EPB41L4A: variants seen among roughly 807,000 people sequenced by gnomAD.
The protein encoded by EPB41L4A is erythrocyte membrane protein band 4.1 like 4A.
A neutral mutation model predicts 108.6 loss-of-function variants in EPB41L4A; 100 were observed. That is an observed-to-expected ratio of 0.92 (90% CI 0.78 to 1.09). The LOEUF (loss-of-function observed/expected upper bound fraction) is 1.09. Among genes scored for constraint, EPB41L4A ranks in the 50% least tolerant of loss-of-function variants. EPB41L4A has a pLI of 0.00. For synonymous variants in EPB41L4A, 319 were observed against 289.0 expected (o/e 1.10, Z -1.05); for missense variants, 1,030 against 842.7 (o/e 1.22, Z -2.75).
At chr5:112,275,747 C>T (rs535945148) in intron 3 of EPB41L4A, among the ~76,000 whole-genome samples, 70 of 122,348 alleles carry the variant, frequency 5.7e-4, no homozygotes, top group Admixed American at 9.8e-4. Context: ...TAAAAAACCA[C>T]CCACCTATCA....
intron 2 of EPB41L4A, among the ~76,000 whole-genome samples, chr5:112,286,705 C>T (rs1316381244): frequency 1.3e-5 from 2 of 152,146 alleles, no homozygotes; most frequent in African/African-American, 4.8e-5. Flanking sequence ...TTCCAGCAAC[C>T]TTCTGTTCTC....
chr5:112,279,948 C>A (rs1348311967), intron 3 of EPB41L4A, among the ~76,000 whole-genome samples: 2 of 147,468 alleles, frequency 1.4e-5, no homozygotes, highest in East Asian at 4.0e-4. Context: ...CCACCTACCA[C>A]CCCCGTTAAT....
intron 2 of EPB41L4A, among the ~76,000 whole-genome samples, chr5:112,289,643 C>T (rs1263571835): frequency 1.3e-5 from 2 of 152,200 alleles, no homozygotes. Flanking sequence ...AGCAACAACA[C>T]AGAGAGTCCA....
At chr5:112,277,553 C>T (rs1752694859) in intron 3 of EPB41L4A, among the ~76,000 whole-genome samples, 1 of 152,104 alleles carries the variant, frequency 6.6e-6, no homozygotes, top group Non-Finnish European at 1.5e-5. Flanking sequence ...AACTTGGGAA[C>T]ATATGCAAGG....
At chr5:112,310,784 T>A (rs72781676) in intron 1 of EPB41L4A, among the ~76,000 whole-genome samples, 3 of 151,922 alleles carry the variant, frequency 2.0e-5, no homozygotes, top group Non-Finnish European at 2.9e-5. Context: ...ATCCCCCTAT[T>A]TGAGTCTTGG....
chr5:112,315,410 A>T (rs980027475), intron 1 of EPB41L4A, among the ~76,000 whole-genome samples: 1 of 152,218 alleles, frequency 6.6e-6, no homozygotes, highest in East Asian at 1.9e-4. Context: ...GAGCTGCCTA[A>T]AAGTTCACTG....
intron 12 of EPB41L4A, among the ~76,000 whole-genome samples, chr5:112,233,666 G>C (rs1749120930): frequency 6.6e-6 from 1 of 152,130 alleles, no homozygotes; most frequent in African/African-American, 2.4e-5. Context: ...TTCTGCCCTA[G>C]CCTCTTGAGT....
intron 1 of EPB41L4A, among the ~76,000 whole-genome samples, chr5:112,380,969 C>T (rs938582976): frequency 6.6e-6 from 1 of 152,076 alleles, no homozygotes; most frequent in Non-Finnish European, 1.5e-5. Context: ...CTCACAAATC[C>T]CTTACCCAAA....
At chr5:112,345,943 T>C (rs1450318241) in intron 1 of EPB41L4A, among the ~76,000 whole-genome samples, 1 of 152,084 alleles carries the variant, frequency 6.6e-6, no homozygotes, top group African/African-American at 2.4e-5. Context: ...TTGATATTTT[T>C]TAATTTTTAA....
intron 1 of EPB41L4A, among the ~76,000 whole-genome samples, chr5:112,374,987 T>A (rs981541896): frequency 1.3e-4 from 20 of 152,310 alleles, no homozygotes; most frequent in Non-Finnish European, 5.9e-5. Context: ...AGCTCTGAAC[T>A]CCAGCTACAC....
At chr5:112,250,327 C>T (rs1750570803) in intron 9 of EPB41L4A, among the ~76,000 whole-genome samples, 1 of 152,070 alleles carries the variant, frequency 6.6e-6, no homozygotes, top group African/African-American at 2.4e-5. Context: ...TGAAAACTAT[C>T]ATGTTGAGCT....
chr5:112,283,557 A>G (rs927709995), intron 2 of EPB41L4A, among the ~76,000 whole-genome samples: 3 of 152,264 alleles, frequency 2.0e-5, no homozygotes, highest in Non-Finnish European at 2.9e-5. Flanking sequence ...AAAATTGCCA[A>G]TGAACACAAT....
At chr5:112,255,998 T>C (rs1751060423) in intron 9 of EPB41L4A, among the ~76,000 whole-genome samples, 1 of 152,148 alleles carries the variant, frequency 6.6e-6, no homozygotes, top group African/African-American at 2.4e-5. Context: ...CTCTCTCTCA[T>C]ATCTGCCCAC....
rs971963472 is a variant in EPB41L4A, at chr5:112,328,307, A to C, written c.100-20817T>G. Among the ~76,000 whole-genome samples, 11 of 152,166 alleles carry C rather than the reference A, an allele frequency of 7.2e-5. No homozygotes were observed. In the East Asian group the frequency reaches 1.9e-3, roughly 27 times the overall value. ...CTTGGTGACACGGCGAGACTCCGAC[A>C]CAAAAAAAATAAAAAATCTTGGGGG... On this transcript the variant is annotated intron_variant, in intron 1 of 22. Transcript: ENST00000261486.
At chr5:112,248,874 A>G (rs1750432348) in intron 9 of EPB41L4A, among the ~76,000 whole-genome samples, 1 of 152,112 alleles carries the variant, frequency 6.6e-6, no homozygotes, top group South Asian at 2.1e-4. Flanking sequence ...TTCTTGACAC[A>G]AGAATGCAAT....
chr5:112,164,960 C>T lies in EPB41L4A; in HGVS notation c.*30G>A, dbSNP rs1760144510. On this transcript the variant is annotated 3_prime_UTR_variant, in exon 23 of 23. Transcript: ENST00000261486. ...AAGTACCAGTGGCGCACACAACCTT[C>T]CCACCCCTACCCTTGACCCTTCATC... The T allele has an allele frequency of 1.3e-6, 2 of 1,582,648 alleles. No individual in the cohort carries two copies. Among genetic ancestry groups the T allele is most frequent in the Non-Finnish European group, 1.7e-6 (2 of 1,168,256 alleles).
At chr5:112,172,941 G>A (rs1760667738) in intron 18 of EPB41L4A, among the ~76,000 whole-genome samples, 1 of 152,154 alleles carries the variant, frequency 6.6e-6, no homozygotes, top group African/African-American at 2.4e-5. Context: ...GTGCATTGTA[G>A]CATGATCAGT....
At chr5:112,418,463 A>C (rs1346883641) in intron 1 of EPB41L4A, among the ~76,000 whole-genome samples, 2 of 152,132 alleles carry the variant, frequency 1.3e-5, no homozygotes, top group African/African-American at 4.8e-5. Flanking sequence ...TTACCCAACT[A>C]CGAACCCACG....
intron 2 of EPB41L4A, among the ~76,000 whole-genome samples, chr5:112,282,677 C>G (rs1753043425): frequency 6.6e-6 from 1 of 152,120 alleles, no homozygotes; most frequent in Admixed American, 6.5e-5. Flanking sequence ...TGTCAAGGCA[C>G]ATGTAACATT....
Sources: allele counts gnomAD v4.1 joint callset (sites outside exome capture counted in the v4.1 genomes callset), GRCh38; gene constraint gnomAD v4.1.1; transcripts MANE v1.5; gene names NCBI Gene and HGNC (gene_info 2026-07-23, HGNC 2026-07-21).